Variants in CTNNA3 observed in about 807,000 individuals in gnomAD.
CTNNA3 encodes catenin alpha 3.
In CTNNA3, 76 loss-of-function variants were observed where a neutral mutation model predicts 95.7. The observed-to-expected ratio is 0.79, with a 90% CI of 0.66 to 0.96. The LOEUF (loss-of-function observed/expected upper bound fraction) is 0.96. Ranked by LOEUF, CTNNA3 falls within the 40% of genes least tolerant of loss-of-function variation. CTNNA3 has a pLI of 0.00. For synonymous variants in CTNNA3, 431 were observed against 374.4 expected (o/e 1.15, Z -1.74); for missense variants, 1,191 against 1,089.8 (o/e 1.09, Z -1.31).
At chr10:67,202,425 A>G (rs551381006) in intron 6 of CTNNA3, among the ~76,000 whole-genome samples, 53 of 152,096 alleles carry the variant, frequency 3.5e-4, no homozygotes, top group Non-Finnish European at 5.9e-4. Context: ...ATACTATACT[A>G]TGATCCACAC....
chr10:67,586,641 G>A (rs1207582654), intron 3 of CTNNA3, among the ~76,000 whole-genome samples: 1 of 151,778 alleles, frequency 6.6e-6, no homozygotes, highest in Non-Finnish European at 1.5e-5. Flanking sequence ...CTTCTGTTTT[G>A]TGGAATATCT....
intron 10 of CTNNA3, among the ~76,000 whole-genome samples, chr10:66,570,445 C>T (rs560890210): frequency 2.0e-5 from 3 of 152,116 alleles, no homozygotes; most frequent in Admixed American, 6.5e-5. Context: ...CATGCCACCA[C>T]GCACAGCTAA....
At chr10:67,711,740 C>T (rs1449643025) in intron 1 of CTNNA3, among the ~76,000 whole-genome samples, 1 of 130,008 alleles carries the variant, frequency 7.7e-6, no homozygotes, top group African/African-American at 2.8e-5. Flanking sequence ...CCCCTCCCCC[C>T]ACCCCACAAC....
chr10:66,847,095 G>C (rs552987729), intron 7 of CTNNA3, among the ~76,000 whole-genome samples: 148 of 152,278 alleles, frequency 9.7e-4, no homozygotes, highest in African/African-American at 3.3e-3. Context: ...TTGCAGAAGT[G>C]TGCCCCACTA....
At chr10:66,205,242 G>T (rs571744679) in intron 13 of CTNNA3, among the ~76,000 whole-genome samples, 2 of 151,890 alleles carry the variant, frequency 1.3e-5, no homozygotes, top group Non-Finnish European at 2.9e-5. Flanking sequence ...CTTGGAAACT[G>T]TGACTTTAAT....
chr10:66,344,115 T>A (rs2092479725), intron 12 of CTNNA3, among the ~76,000 whole-genome samples: 1 of 150,210 alleles, frequency 6.7e-6, no homozygotes, highest in Non-Finnish European at 1.5e-5. Flanking sequence ...TAATCCTAGC[T>A]ACTCAGGAGG....
intron 13 of CTNNA3, among the ~76,000 whole-genome samples, chr10:66,203,880 T>C (rs1328391814): frequency 6.6e-6 from 1 of 152,158 alleles, no homozygotes. Context: ...TATATTCATA[T>C]TACTGCTTGT....
intron 1 of CTNNA3, among the ~76,000 whole-genome samples, chr10:67,723,829 G>A (rs1182945822): frequency 2.6e-5 from 4 of 152,128 alleles, no homozygotes; most frequent in South Asian, 2.1e-4. Context: ...CATACCCCAC[G>A]TCTTTCTCGG....
intron 7 of CTNNA3, among the ~76,000 whole-genome samples, chr10:66,895,196 C>T (rs1219604049): frequency 9.2e-5 from 14 of 151,946 alleles, no homozygotes; most frequent in Admixed American, 7.2e-4. Context: ...CCTCTGGTTA[C>T]ATTGGGTCTC....
intron 12 of CTNNA3, among the ~76,000 whole-genome samples, chr10:66,310,788 G>A (rs551974739): frequency 1.2e-4 from 18 of 150,096 alleles, no homozygotes; most frequent in African/African-American, 4.2e-4. Flanking sequence ...CCAGGTTCAT[G>A]CCATTCTGCC....
intron 15 of CTNNA3, among the ~76,000 whole-genome samples, chr10:66,057,962 T>C (rs1345405341): frequency 6.6e-6 from 1 of 152,164 alleles, no homozygotes; most frequent in African/African-American, 2.4e-5. Context: ...AAAATGGACT[T>C]CTCTGCCTTT....
chr10:66,821,884 G>A (rs1271396564), intron 7 of CTNNA3, among the ~76,000 whole-genome samples: 1 of 152,096 alleles, frequency 6.6e-6, no homozygotes, highest in African/African-American at 2.4e-5. Flanking sequence ...CCACAGCACT[G>A]GAGCACACAG....
intron 7 of CTNNA3, among the ~76,000 whole-genome samples, chr10:66,807,188 C>G (rs1031025480): frequency 1.3e-5 from 2 of 151,960 alleles, no homozygotes; most frequent in African/African-American, 4.8e-5. Flanking sequence ...GAAAAATTAC[C>G]TACTTGTTAA....
chr10:66,695,857 A>G (rs1243206827), intron 9 of CTNNA3, among the ~76,000 whole-genome samples: 3 of 141,016 alleles, frequency 2.1e-5, no homozygotes, highest in African/African-American at 7.8e-5. Flanking sequence ...GTCTTTTTGT[A>G]TGGTCCAAAA....
At position 67,561,929 on chromosome 10, in the gene CTNNA3, A is replaced by T. The variant is rs564214807; in HGVS notation, c.293-22260T>A. Among the ~76,000 whole-genome samples, 440 of 152,306 alleles carry T rather than the reference A, an allele frequency of 2.9e-3. 4 individuals are homozygous for T. Among genetic ancestry groups the T allele is most frequent in the Middle Eastern group, 0.01 (3 of 294 alleles). On this transcript the variant is annotated intron_variant, in intron 3 of 17. Transcript: ENST00000433211. ...TCCTGGACACATACACCCTCCCAAG[A>T]CTAAACCACGAAGAAGTTGAATCTC...
intron 11 of CTNNA3, among the ~76,000 whole-genome samples, chr10:66,448,397 A>C (rs1240883788): frequency 6.6e-6 from 1 of 152,190 alleles, no homozygotes; most frequent in African/African-American, 2.4e-5. Flanking sequence ...TTGCGGCACT[A>C]TTCACAATAG....
intron 5 of CTNNA3, among the ~76,000 whole-genome samples, chr10:67,242,767 T>C (rs1180819949): frequency 6.6e-6 from 1 of 152,130 alleles, no homozygotes; most frequent in Non-Finnish European, 1.5e-5. Context: ...AAGGACTGAA[T>C]GAGGAGCAAC....
chr10:66,766,340 G>T lies in CTNNA3; in HGVS notation c.1205C>A (p.Ala402Asp), dbSNP rs1352266937. 10 of 1,613,608 alleles carry T rather than the reference G, an allele frequency of 6.2e-6. No individual in the cohort carries two copies. Among genetic ancestry groups the T allele is most frequent in the Non-Finnish European group, 8.5e-6 (10 of 1,179,684 alleles). The change falls in exon 9 of 18, where the codon GCT becomes GAT. Residue 402 changes from alanine (A) to aspartate (D), a missense_variant. Ala to Asp is a moderately radical substitution (Grantham distance 126, BLOSUM62 -2). Transcript: ENST00000433211. ...TTVPLLVLIE[A>D]AKNGREKEIK... ...TTCCTTTTCCCGGCCATTCTTAGCAGCTTCAATGAGAACCAAAAGAGGGAC... is the reference window on the plus strand; with the variant it reads ...TTCCTTTTCCCGGCCATTCTTAGCATCTTCAATGAGAACCAAAAGAGGGAC...
chr10:66,592,245 G>T (rs1843578147), intron 10 of CTNNA3, among the ~76,000 whole-genome samples: 1 of 151,996 alleles, frequency 6.6e-6, no homozygotes, highest in South Asian at 2.1e-4. Context: ...GGATTGTTGT[G>T]AGAATACAAA....
Sources: gnomAD v4.1 joint callset for allele counts (sites outside exome capture counted in the v4.1 genomes callset) on GRCh38, gnomAD v4.1.1 for gene constraint, MANE v1.5 for transcripts, NCBI Gene and HGNC (gene_info 2026-07-23, HGNC 2026-07-21) for gene names.